The following FMNL2 variants were observed in gnomAD, a reference collection of about 807,000 sequenced individuals.
FMNL2 encodes the protein formin like 2.
Under a neutral mutation model 130.2 loss-of-function variants are expected in FMNL2, and 51 were observed. The ratio of observed to expected loss-of-function variants is 0.39; its 90% CI spans 0.31 to 0.49. The LOEUF is 0.49. FMNL2 is among the 20% of genes least tolerant of loss of function. The probability of loss-of-function intolerance (pLI) is 0.85; values close to 1 mark genes in which losing one functional copy is unlikely to be tolerated. For synonymous variants in FMNL2, 465 were observed against 467.1 expected, an observed-to-expected ratio of 1.00 and a Z score of 0.06; for missense variants, 977 against 1,316.2, an observed-to-expected ratio of 0.74 and a Z score of 3.99.
chr2:152,403,146 AT>A (rs1685800934), intron 1 of FMNL2, among the ~76,000 whole-genome samples: 2 of 151,862 alleles, frequency 1.3e-5, no homozygotes, highest in African/African-American at 4.8e-5. Flanking sequence ...TTCATCACAT[AT>A]CAGTGTGACT....
At chr2:152,466,776 T>C (rs572105466) in intron 1 of FMNL2, among the ~76,000 whole-genome samples, 1 of 152,304 alleles carries the variant, frequency 6.6e-6, no homozygotes, top group East Asian at 1.9e-4. Flanking sequence ...CTTTATCAAG[T>C]GAGTTGTCTT....
chr2:152,371,668 C>CAAAAAAAAAA (rs71394476), intron 1 of FMNL2, among the ~76,000 whole-genome samples: 3 of 66,214 alleles, frequency 4.5e-5, no homozygotes, highest in African/African-American at 6.1e-5. Context: ...GACTCTGTCT[C>CAAAAAAAAAA]AAAAAAAAAA....
intron 1 of FMNL2, among the ~76,000 whole-genome samples, chr2:152,424,766 C>T (rs187425330): frequency 5.1e-4 from 78 of 152,276 alleles, no homozygotes; most frequent in African/African-American, 1.8e-3. Context: ...GTTCAAGACC[C>T]TTTTAACTTA....
chr2:152,453,514 T>G (rs1244219604), intron 1 of FMNL2, among the ~76,000 whole-genome samples: 1 of 152,152 alleles, frequency 6.6e-6, no homozygotes, highest in African/African-American at 2.4e-5. Context: ...TTTTGTCCCC[T>G]TCCTCCCCTG....
At chr2:152,571,316 G>T (rs1230142886) in intron 6 of FMNL2, among the ~76,000 whole-genome samples, 4 of 152,184 alleles carry the variant, frequency 2.6e-5, no homozygotes, top group Non-Finnish European at 5.9e-5. Flanking sequence ...TGTTGACAGA[G>T]TCTGGGATCA....
intron 2 of FMNL2, among the ~76,000 whole-genome samples, chr2:152,522,824 A>G (rs185649949): frequency 6.6e-6 from 1 of 152,334 alleles, no homozygotes; most frequent in African/African-American, 2.4e-5. Flanking sequence ...ATAGACAAAT[A>G]TATCATTATC....
At chr2:152,463,367 A>C (rs1260835888) in intron 1 of FMNL2, among the ~76,000 whole-genome samples, 1 of 152,208 alleles carries the variant, frequency 6.6e-6, no homozygotes, top group Non-Finnish European at 1.5e-5. Context: ...TGAAGAAATC[A>C]AGGTTCAGTG....
chr2:152,603,281 C>T (rs1698185996), intron 9 of FMNL2, among the ~76,000 whole-genome samples: 1 of 152,046 alleles, frequency 6.6e-6, no homozygotes, highest in African/African-American at 2.4e-5. Flanking sequence ...GGAGAGTGGT[C>T]ACTCTGTTGC....
At chr2:152,379,719 C>A (rs1684359221) in intron 1 of FMNL2, among the ~76,000 whole-genome samples, 1 of 152,172 alleles carries the variant, frequency 6.6e-6, no homozygotes, top group Non-Finnish European at 1.5e-5. Context: ...GGTGCCCTGT[C>A]AATAGCTTTA....
rs142331102 is a variant in FMNL2 at position 152,560,583 on chromosome 2, A to G, written c.444-300A>G. 1.2e-4 allele frequency among the ~76,000 whole-genome samples: 18 copies of G among 152,340 alleles called. No homozygotes were observed. In the East Asian group the frequency reaches 3.1e-3, roughly 26 times the overall value. ...TTCCCCCTTCCATCATACCAATGTT[A>G]GTGACTTATATATTAGCAAGCCTTA... On this transcript the variant is annotated intron_variant, in intron 5 of 25. Coordinates refer to ENST00000288670, the MANE Select transcript of FMNL2 (RefSeq NM_052905.4).
At chr2:152,605,732 C>T (rs1375576155) in intron 9 of FMNL2, among the ~76,000 whole-genome samples, 3 of 152,142 alleles carry the variant, frequency 2.0e-5, no homozygotes, top group Non-Finnish European at 2.9e-5. Context: ...GGAGAGTTGT[C>T]ATGAAAATGC....
intron 25 of FMNL2, 96 bp from the exon 26 acceptor site, chr2:152,647,700 C>A (rs1683710830): frequency 1.7e-6 from 2 of 1,150,554 alleles, no homozygotes; most frequent in Admixed American, 1.7e-5. Flanking sequence ...CTTTTCTACA[C>A]AAGCTGCTTT....
intron 1 of FMNL2, among the ~76,000 whole-genome samples, chr2:152,457,479 C>G (rs1689018401): frequency 1.3e-5 from 2 of 152,278 alleles, no homozygotes; most frequent in Admixed American, 1.3e-4. Flanking sequence ...TTCTTCACAC[C>G]TGTGACTTTA....
intron 1 of FMNL2, among the ~76,000 whole-genome samples, chr2:152,496,970 C>A (rs899245542): frequency 1.3e-5 from 2 of 151,840 alleles, no homozygotes; most frequent in Admixed American, 1.3e-4. Flanking sequence ...CTCTAGTTCG[C>A]CTTATTAGAG....
intron 1 of FMNL2, among the ~76,000 whole-genome samples, chr2:152,467,049 T>G (rs1689587441): frequency 6.6e-6 from 1 of 152,210 alleles, no homozygotes; most frequent in African/African-American, 2.4e-5. Flanking sequence ...CAGCTACTCC[T>G]ACAATGAGGC....
At chr2:152,508,412 C>T (rs1345664146) in intron 1 of FMNL2, among the ~76,000 whole-genome samples, 1 of 152,200 alleles carries the variant, frequency 6.6e-6, no homozygotes, top group Admixed American at 6.5e-5. Context: ...GAAGACAGAT[C>T]TAAATCAGAG....
At chr2:152,521,898 G>C (rs754822790) in intron 1 of FMNL2, 45 bp from the exon 2 acceptor site, 1 of 1,488,716 alleles carries the variant, frequency 6.7e-7, no homozygotes, top group Non-Finnish European at 9.4e-7. Context: ...TTGGAAGCCT[G>C]CTGTGGAATG....
chr2:152,414,673 C>T (rs1422139104), intron 1 of FMNL2, among the ~76,000 whole-genome samples: 2 of 152,098 alleles, frequency 1.3e-5, no homozygotes, highest in South Asian at 2.1e-4. Context: ...AGTTCGAGGC[C>T]ATTTTAGCTG....
intron 1 of FMNL2, chr2:152,390,369 C>T (rs1368350490): frequency 1.6e-5 from 17 of 1,089,472 alleles, no homozygotes; most frequent in Non-Finnish European, 2.4e-5. Flanking sequence ...GGTGACTGTG[C>T]ATCTTGAGAA....
Sources: gnomAD v4.1 joint callset for allele counts (sites outside exome capture counted in the v4.1 genomes callset) on GRCh38, gnomAD v4.1.1 for gene constraint, MANE v1.5 for transcripts, NCBI Gene and HGNC (gene_info 2026-07-23, HGNC 2026-07-21) for gene names.